The following SKAP2 variants were observed in gnomAD, a reference collection of about 807,000 sequenced individuals.
The protein encoded by SKAP2 is src kinase-associated phosphoprotein 2.
A neutral mutation model predicts 54.9 loss-of-function variants in SKAP2; 28 were observed. The ratio of observed to expected loss-of-function variants is 0.51; its 90% CI spans 0.38 to 0.70. The LOEUF (loss-of-function observed/expected upper bound fraction) is 0.70. SKAP2 is among the 30% of genes least tolerant of loss of function. The pLI is 0.00. For synonymous variants in SKAP2, 137 were observed against 134.3 expected (o/e 1.02, Z -0.14); for missense variants, 356 against 424.1 (o/e 0.84, Z 1.41).
intron 4 of SKAP2, among the ~76,000 whole-genome samples, chr7:26,757,081 C>T (rs755265391): frequency 2.6e-4 from 39 of 152,142 alleles, no homozygotes; most frequent in Non-Finnish European, 4.6e-4. Flanking sequence ...AGCCCTTTGT[C>T]GGATGAGCAG....
At chr7:26,664,415 C>A (rs1418708140), downstream of SKAP2, among the ~76,000 whole-genome samples, 4 of 152,096 alleles carry the variant, frequency 2.6e-5, no homozygotes, top group Non-Finnish European at 5.9e-5. Flanking sequence ...TCTAAATAGA[C>A]TCCCATGGGA....
At position 26,669,635 on chromosome 7, in the gene SKAP2, C is replaced by T. The variant is rs2128083186; in HGVS notation, c.*31G>A. Reference sequence around the variant, plus strand: ...CTTCTAAATCCAAAGCATTTGCAGACAAGCAGAAGAATTTTCCTTTTCTGC... The same window carrying T: ...CTTCTAAATCCAAAGCATTTGCAGATAAGCAGAAGAATTTTCCTTTTCTGC... On this transcript the variant is annotated 3_prime_UTR_variant, in exon 13 of 13. Coordinates refer to ENST00000345317, the MANE Select transcript of SKAP2 (RefSeq NM_003930.5). 6.6e-6 allele frequency: 1 copy of T among 152,452 alleles called. No individual in the cohort carries two copies. Among genetic ancestry groups the T allele is most frequent in the East Asian group, 1.9e-4 (1 of 5,174 alleles). The allele number at this position is 152,452 out of a possible 1,614,324, so 9.4% of individuals were successfully genotyped here. A position where few individuals can be genotyped will look rare whatever the true frequency, so the allele number is the denominator to read the frequency against.
intron 4 of SKAP2, among the ~76,000 whole-genome samples, chr7:26,832,724 G>T (rs1003408253): frequency 6.6e-6 from 1 of 152,168 alleles, no homozygotes; most frequent in South Asian, 2.1e-4. Flanking sequence ...CAAAATTTTT[G>T]AGTAATTCCT....
At chr7:26,689,178 G>T (rs1786723227) in intron 10 of SKAP2, among the ~76,000 whole-genome samples, 2 of 152,080 alleles carry the variant, frequency 1.3e-5, no homozygotes, top group African/African-American at 4.8e-5. Context: ...CACACTTCTT[G>T]TCCACCCGGC....
At chr7:26,660,272 A>C in the SKAP2 span, among the ~76,000 whole-genome samples, 2 of 152,148 alleles carry the variant, frequency 1.3e-5, no homozygotes, top group Non-Finnish European at 2.9e-5. Flanking sequence ...ATGCAAAAAT[A>C]GCAATGAAGT....
intron 4 of SKAP2, among the ~76,000 whole-genome samples, chr7:26,834,454 T>C (rs897670651): frequency 2.6e-5 from 4 of 151,874 alleles, no homozygotes. Context: ...CTAACCAGAC[T>C]AATAAAGAAG....
intron 4 of SKAP2, among the ~76,000 whole-genome samples, chr7:26,818,200 A>G (rs932001857): frequency 1.3e-5 from 2 of 152,186 alleles, no homozygotes; most frequent in African/African-American, 4.8e-5. Context: ...CTACAAGGCT[A>G]CAGTAACCGA....
intron 9 of SKAP2, among the ~76,000 whole-genome samples, chr7:26,702,812 T>C (rs1319410143): frequency 6.6e-6 from 1 of 152,250 alleles, no homozygotes; most frequent in East Asian, 1.9e-4. Context: ...ACTTGTATTT[T>C]TCTACTATCA....
intron 4 of SKAP2, among the ~76,000 whole-genome samples, chr7:26,793,839 C>T (rs1783716517): frequency 6.6e-6 from 1 of 152,204 alleles, no homozygotes; most frequent in Non-Finnish European, 1.5e-5. Flanking sequence ...TCAAGTTTTA[C>T]ACTTGCTAAT....
At chr7:26,807,070 A>C (rs1484824149) in intron 4 of SKAP2, among the ~76,000 whole-genome samples, 2 of 152,220 alleles carry the variant, frequency 1.3e-5, no homozygotes, top group Non-Finnish European at 2.9e-5. Flanking sequence ...TCTCATGATA[A>C]AACTTGAAGG....
At chr7:26,783,390 TC>T (rs957511665) in intron 4 of SKAP2, among the ~76,000 whole-genome samples, 2 of 151,722 alleles carry the variant, frequency 1.3e-5, no homozygotes, top group Non-Finnish European at 2.9e-5. Flanking sequence ...CCTACCCGTT[TC>T]CCCCACCAAT....
chr7:26,802,733 T>A (rs1183348333), intron 4 of SKAP2, among the ~76,000 whole-genome samples: 1 of 151,920 alleles, frequency 6.6e-6, no homozygotes, highest in Non-Finnish European at 1.5e-5. Context: ...ATACAAAAAT[T>A]AGCCAGACAT....
At chr7:26,739,754 C>A in intron 5 of SKAP2, 133 bp downstream of exon 5, 1 of 622,014 alleles carries the variant, frequency 1.6e-6, no homozygotes, top group Non-Finnish European at 2.7e-6. Context: ...TGGATAATGT[C>A]ATCCAGATTT....
intron 9 of SKAP2, among the ~76,000 whole-genome samples, chr7:26,706,363 T>C (rs1281753331): frequency 1.3e-5 from 2 of 152,202 alleles, no homozygotes; most frequent in Admixed American, 6.5e-5. Context: ...TTCTTAGTTA[T>C]ATAATATCTA....
intron 4 of SKAP2, among the ~76,000 whole-genome samples, chr7:26,767,170 T>C (rs935917224): frequency 7.2e-5 from 11 of 152,220 alleles, no homozygotes; most frequent in Non-Finnish European, 1.5e-4. Context: ...TATTCATGAA[T>C]TTGACTTCTT....
chr7:26,676,292 C>A (rs993191361), intron 11 of SKAP2, among the ~76,000 whole-genome samples: 1 of 152,106 alleles, frequency 6.6e-6, no homozygotes, highest in Non-Finnish European at 1.5e-5. Context: ...TCTAGAAATT[C>A]ATGTAAGAAT....
At chr7:26,709,125 T>A (rs186230405) in intron 9 of SKAP2, among the ~76,000 whole-genome samples, 16 of 152,280 alleles carry the variant, frequency 1.1e-4, no homozygotes, top group Admixed American at 1.0e-3. Flanking sequence ...TTTATACTTA[T>A]AAGTATAAAA....
At position 26,758,212 on chromosome 7, in the gene SKAP2, T is replaced by C. The variant is rs76147069; in HGVS notation, c.308-18248A>G. On this transcript the variant is annotated intron_variant, in intron 4 of 12. Transcript: ENST00000345317. ...TAGGGAGTGTAGGGAATTTTTTTTT[T>C]CCTTTTGCAGAGAGGGAACAACTTC... Among the ~76,000 whole-genome samples, 194 of 150,872 alleles carry C rather than the reference T, an allele frequency of 1.3e-3. 1 individual carries two copies. The highest frequency in any genetic ancestry group is 7.7e-3 in the Middle Eastern group (2 of 260).
At chr7:26,741,832 T>C (rs1782462722) in intron 4 of SKAP2, among the ~76,000 whole-genome samples, 1 of 151,968 alleles carries the variant, frequency 6.6e-6, no homozygotes, top group Non-Finnish European at 1.5e-5. Context: ...GTTTTTTTTT[T>C]TAATACCATG....
Sources: allele counts gnomAD v4.1 joint callset (sites outside exome capture counted in the v4.1 genomes callset), GRCh38; gene constraint gnomAD v4.1.1; transcripts MANE v1.5; gene names NCBI Gene and HGNC (gene_info 2026-07-23, HGNC 2026-07-21).